Variants in NLGN1 observed in about 807,000 individuals in gnomAD.
NLGN1 encodes neuroligin-1.
Under a neutral mutation model 65.5 loss-of-function variants are expected in NLGN1, and 12 were observed. The ratio of observed to expected loss-of-function variants is 0.18; its 90% CI spans 0.12 to 0.30. The LOEUF (loss-of-function observed/expected upper bound fraction) is 0.30. Among genes scored for constraint, NLGN1 ranks in the 10% least tolerant of loss-of-function variants. The probability of loss-of-function intolerance (pLI) is 1.00; values close to 1 mark genes in which losing one functional copy is unlikely to be tolerated. For missense variants in NLGN1, 750 were observed against 1,007.1 expected (o/e 0.74, Z 3.46); for synonymous variants, 350 against 359.5 (o/e 0.97, Z 0.30).
intron 3 of NLGN1, among the ~76,000 whole-genome samples, chr3:173,651,480 T>C (rs1759169092): frequency 6.6e-6 from 1 of 152,064 alleles, no homozygotes; most frequent in Non-Finnish European, 1.5e-5. Flanking sequence ...AGATACCCAG[T>C]AGTGGGATTG....
At chr3:174,141,827 A>T (rs1044219087) in intron 4 of NLGN1, among the ~76,000 whole-genome samples, 1 of 152,198 alleles carries the variant, frequency 6.6e-6, no homozygotes, top group Non-Finnish European at 1.5e-5. Context: ...ATAAAACAGG[A>T]TATGATACAG....
intron 4 of NLGN1, among the ~76,000 whole-genome samples, chr3:174,234,166 A>C (rs899308476): frequency 2.2e-4 from 34 of 152,130 alleles, no homozygotes; most frequent in African/African-American, 8.2e-4. Context: ...CAAGTTTTAG[A>C]GTAGGAGTGA....
chr3:173,699,689 A>C (rs1325496796), intron 3 of NLGN1, among the ~76,000 whole-genome samples: 1 of 152,216 alleles, frequency 6.6e-6, no homozygotes, highest in Admixed American at 6.5e-5. Flanking sequence ...CACTATTGAA[A>C]ATGGGAATTA....
At chr3:173,440,411 C>T (rs1718960454) in intron 2 of NLGN1, among the ~76,000 whole-genome samples, 1 of 152,096 alleles carries the variant, frequency 6.6e-6, no homozygotes, top group South Asian at 2.1e-4. Context: ...AGAAGGTTTT[C>T]CATTTACTTT....
intron 2 of NLGN1, among the ~76,000 whole-genome samples, chr3:173,477,637 G>A (rs774383516): frequency 1.3e-5 from 2 of 152,158 alleles, no homozygotes; most frequent in Non-Finnish European, 2.9e-5. Context: ...GAAGGGATCT[G>A]AAACTGAATA....
exon 7 of NLGN1, chr3:174,281,545 GAATT>G (rs1751540237): frequency 2.6e-6 from 1 of 388,986 alleles, no homozygotes. Context: ...TCACATTCAA[GAATT>G]AATTTTTTGA....
intron 2 of NLGN1, chr3:173,585,018 G>A (rs1333026874): frequency 6.6e-6 from 1 of 152,228 alleles, no homozygotes; most frequent in Non-Finnish European, 1.5e-5. Context: ...TCCCTCTGTG[G>A]ATTTATCTTG....
chr3:173,433,339 T>C (rs1348820186), intron 1 of NLGN1, among the ~76,000 whole-genome samples: 3 of 152,170 alleles, frequency 2.0e-5, no homozygotes, highest in Non-Finnish European at 4.4e-5. Flanking sequence ...GCCAATCCCC[T>C]GTCTCTCCAC....
chr3:173,829,510 T>C (rs1722036773), intron 4 of NLGN1, among the ~76,000 whole-genome samples: 1 of 151,992 alleles, frequency 6.6e-6, no homozygotes, highest in Admixed American at 6.6e-5. Context: ...AATTAACTCA[T>C]CTATCACCTT....
chr3:173,999,013 C>T (rs1447041488), intron 4 of NLGN1, among the ~76,000 whole-genome samples: 1 of 152,188 alleles, frequency 6.6e-6, no homozygotes, highest in East Asian at 1.9e-4. Context: ...AAAGGAAACA[C>T]ACTTACTTCT....
chr3:173,998,830 G>A (rs151006653), intron 4 of NLGN1, among the ~76,000 whole-genome samples: 1,685 of 152,204 alleles, frequency 0.011, 14 homozygotes, highest in Middle Eastern at 0.027. Context: ...GGTGTGATTC[G>A]GAGCTCTGCA....
intron 4 of NLGN1, among the ~76,000 whole-genome samples, chr3:174,109,092 A>G (rs1714628143): frequency 6.6e-6 from 1 of 152,094 alleles, no homozygotes; most frequent in Admixed American, 6.6e-5. Context: ...TTTACAATAA[A>G]TTCTTATTAA....
At chr3:173,786,852 G>A (rs1202181265) in intron 3 of NLGN1, among the ~76,000 whole-genome samples, 3 of 152,128 alleles carry the variant, frequency 2.0e-5, no homozygotes, top group African/African-American at 7.2e-5. Context: ...CGAGGAGGGT[G>A]GATCACCTGA....
intron 4 of NLGN1, among the ~76,000 whole-genome samples, chr3:174,190,902 C>G (rs1732271939): frequency 6.6e-6 from 1 of 152,014 alleles, no homozygotes; most frequent in African/African-American, 2.4e-5. Flanking sequence ...AGAAATCTGT[C>G]TTTCCAAAGG....
At chr3:173,477,982 G>T (rs1357601163) in intron 2 of NLGN1, among the ~76,000 whole-genome samples, 3 of 152,158 alleles carry the variant, frequency 2.0e-5, no homozygotes, top group African/African-American at 7.2e-5. Context: ...AACGTTTGTG[G>T]AAGATGGCGT....
chr3:174,061,616 G>A (rs1737437670), intron 4 of NLGN1, among the ~76,000 whole-genome samples: 1 of 152,076 alleles, frequency 6.6e-6, no homozygotes, highest in African/African-American at 2.4e-5. Context: ...TAATGTCCTG[G>A]AGGTACAAGA....
intron 2 of NLGN1, among the ~76,000 whole-genome samples, chr3:173,468,417 T>A (rs746806740): frequency 1.6e-4 from 24 of 152,094 alleles, no homozygotes; most frequent in Non-Finnish European, 1.8e-4. Context: ...TTGAAGTAGT[T>A]AAGCTTAGAA....
rs545920798 is a variant in NLGN1 at position 173,688,226 on chromosome 3, T to C, written c.493+83135T>C. ...TATGTGAACATGCTTTGTAAACCGT[T>C]AAGCCAATTGTGAGTGTTATCAATT... is the stretch of plus-strand genomic sequence containing the variant. On this transcript the variant is annotated intron_variant, in intron 3 of 6. Transcript: ENST00000457714. Among the ~76,000 whole-genome samples the C allele has an allele frequency of 5.5e-3, 835 of 152,318 alleles. 2 individuals are homozygous for C. The highest frequency in any genetic ancestry group is 9.4e-3 in the Non-Finnish European group (639 of 68,018).
chr3:173,614,477 AACCATCTTCCTCAGCTC>A (rs1752758735), intron 3 of NLGN1, among the ~76,000 whole-genome samples: 1 of 152,078 alleles, frequency 6.6e-6, no homozygotes, highest in Non-Finnish European at 1.5e-5. Context: ...AGTTCCCACA[AACCATCTTCCTCAGCTC>A]ACCATCTTTC....
Sources: allele counts gnomAD v4.1 joint callset (sites outside exome capture counted in the v4.1 genomes callset), GRCh38; gene constraint gnomAD v4.1.1; transcripts MANE v1.5; gene names NCBI Gene and HGNC (gene_info 2026-07-23, HGNC 2026-07-21).